ITGBL1: variants seen among roughly 807,000 people sequenced by gnomAD.
The protein encoded by ITGBL1 is integrin subunit beta like 1.
ITGBL1 carries 51 observed loss-of-function variants against 68.5 expected under a neutral mutation model. The ratio of observed to expected loss-of-function variants is 0.74; its 90% CI spans 0.59 to 0.94. The LOEUF (loss-of-function observed/expected upper bound fraction) is 0.94, where lower values mean the gene tolerates loss of function less well. Ranked by LOEUF, ITGBL1 falls within the 40% of genes least tolerant of loss-of-function variation. ITGBL1 has a pLI of 0.00. For synonymous variants in ITGBL1, 209 were observed against 227.3 expected, an observed-to-expected ratio of 0.92 and a Z score of 0.72; for missense variants, 649 against 647.4, an observed-to-expected ratio of 1.00 and a Z score of -0.03.
At chr13:101,590,566 A>G (rs2050634747) in intron 6 of ITGBL1, among the ~76,000 whole-genome samples, 1 of 152,132 alleles carries the variant, frequency 6.6e-6, no homozygotes, top group Admixed American at 6.5e-5. Context: ...AGAGTGGAGA[A>G]ACTTTTTCTC....
chr13:101,604,887 T>TATACAC, intron 7 of ITGBL1, among the ~76,000 whole-genome samples: 12 of 22,166 alleles, frequency 5.4e-4, no homozygotes, highest in Admixed American at 3.3e-3. Context: ...TATATATATA[T>TATACAC]ACACACACAC....
intron 2 of ITGBL1, among the ~76,000 whole-genome samples, chr13:101,467,303 A>G (rs1227438557): frequency 6.6e-6 from 1 of 152,192 alleles, no homozygotes; most frequent in Non-Finnish European, 1.5e-5. Context: ...CCTTTGGGAA[A>G]TTTAGCTTCC....
intron 2 of ITGBL1, among the ~76,000 whole-genome samples, chr13:101,540,054 T>G (rs1777040844): frequency 6.6e-6 from 1 of 152,214 alleles, no homozygotes. Context: ...CTCTTTACTT[T>G]AATTAGATCC....
At chr13:101,714,369 C>T (rs984924913) in intron 9 of ITGBL1, 69 bp from the exon 10 acceptor site, 33 of 909,858 alleles carry the variant, frequency 3.6e-5, no homozygotes, top group South Asian at 8.0e-5. Context: ...AGTGTGTCAA[C>T]GATATTCTAT....
At chr13:101,498,080 A>T (rs2048883530) in intron 2 of ITGBL1, among the ~76,000 whole-genome samples, 1 of 152,096 alleles carries the variant, frequency 6.6e-6, no homozygotes, top group Non-Finnish European at 1.5e-5. Flanking sequence ...TACTCCTGGT[A>T]TGCACATCTT....
At chr13:101,673,822 C>G (rs904732555) in intron 7 of ITGBL1, among the ~76,000 whole-genome samples, 8 of 152,072 alleles carry the variant, frequency 5.3e-5, no homozygotes, top group African/African-American at 1.9e-4. Context: ...ACGAACACTC[C>G]CCACAGAACT....
intron 7 of ITGBL1, among the ~76,000 whole-genome samples, chr13:101,663,240 G>A (rs544622125): frequency 6.6e-6 from 1 of 152,266 alleles, no homozygotes; most frequent in East Asian, 1.9e-4. Context: ...TGCTATCAGA[G>A]TCTAATAGAT....
intron 6 of ITGBL1, among the ~76,000 whole-genome samples, chr13:101,586,864 C>T (rs913450631): frequency 2.6e-5 from 4 of 152,070 alleles, no homozygotes; most frequent in African/African-American, 9.7e-5. Flanking sequence ...GCTTATTAGT[C>T]TTTAAATTTT....
chr13:101,606,459 G>A (rs967106783), intron 7 of ITGBL1, among the ~76,000 whole-genome samples: 2 of 151,640 alleles, frequency 1.3e-5, no homozygotes, highest in African/African-American at 2.4e-5. Flanking sequence ...GTAAAGGTGG[G>A]AAAACACTTT....
intron 2 of ITGBL1, chr13:101,489,904 A>T: frequency 8.5e-7 from 1 of 1,171,130 alleles, no homozygotes; most frequent in Non-Finnish European, 1.2e-6. Flanking sequence ...GGTTAGTGTG[A>T]CGGTTGCTAG....
At chr13:101,548,039 T>C (rs371231532) in intron 2 of ITGBL1, among the ~76,000 whole-genome samples, 6 of 151,120 alleles carry the variant, frequency 4.0e-5, no homozygotes, top group Admixed American at 3.3e-4. Flanking sequence ...AAAGTCTTGT[T>C]ACCACCAAGT....
At chr13:101,609,008 A>G (rs1017050380) in intron 7 of ITGBL1, among the ~76,000 whole-genome samples, 1 of 152,046 alleles carries the variant, frequency 6.6e-6, no homozygotes. Flanking sequence ...GCATACCACC[A>G]GGGAGTCTTC....
chr13:101,670,835 T>C (rs1444660613), intron 7 of ITGBL1, among the ~76,000 whole-genome samples: 2 of 151,814 alleles, frequency 1.3e-5, no homozygotes, highest in African/African-American at 2.4e-5. Context: ...CAAATCTTTT[T>C]CAAGTTATAT....
At chr13:101,599,444 G>A (rs1444206090) in intron 7 of ITGBL1, among the ~76,000 whole-genome samples, 8 of 151,144 alleles carry the variant, frequency 5.3e-5, no homozygotes, top group Non-Finnish European at 1.2e-4. Flanking sequence ...AGTTTAATTA[G>A]ATCCCATTTG....
intron 2 of ITGBL1, among the ~76,000 whole-genome samples, chr13:101,565,683 G>A (rs74119857): frequency 0.011 from 1,648 of 152,158 alleles, 21 homozygotes; most frequent in African/African-American, 0.037. Context: ...TTTCATGATA[G>A]GATATATGAG....
chr13:101,661,740 A>AT (rs889808213), intron 7 of ITGBL1, among the ~76,000 whole-genome samples: 2 of 152,136 alleles, frequency 1.3e-5, no homozygotes, highest in Middle Eastern at 3.4e-3. Context: ...ACCACCTAAT[A>AT]TTTTTTTTCA....
chr13:101,604,887 T>TATATATACATACACATACATACACAC, intron 7 of ITGBL1, among the ~76,000 whole-genome samples: 2 of 22,162 alleles, frequency 9.0e-5, no homozygotes, highest in African/African-American at 3.0e-4. Flanking sequence ...TATATATATA[T>TATATATACATACACATACATACACAC]ACACACACAC....
intron 7 of ITGBL1, among the ~76,000 whole-genome samples, chr13:101,654,652 A>G (rs2032862642): frequency 6.6e-6 from 1 of 152,178 alleles, no homozygotes; most frequent in Non-Finnish European, 1.5e-5. Flanking sequence ...GTCATGTTAC[A>G]TTTGAGGTGC....
At chr13:101,696,740 ATCTC>A (rs140757420) in intron 8 of ITGBL1, among the ~76,000 whole-genome samples, 3 of 152,186 alleles carry the variant, frequency 2.0e-5, no homozygotes, top group South Asian at 4.1e-4. Context: ...GATATAATCA[ATCTC>A]TCTCTCTCAT....
Sources: gnomAD v4.1 joint callset for allele counts (sites outside exome capture counted in the v4.1 genomes callset) on GRCh38, gnomAD v4.1.1 for gene constraint, MANE v1.5 for transcripts, NCBI Gene and HGNC (gene_info 2026-07-23, HGNC 2026-07-21) for gene names.